The following CD109 variants were observed in gnomAD, a reference collection of about 807,000 sequenced individuals.
The protein encoded by CD109 is CD109 antigen.
Under a neutral mutation model 165.8 loss-of-function variants are expected in CD109, and 149 were observed. The ratio of observed to expected loss-of-function variants is 0.90; its 90% CI spans 0.79 to 1.03. The LOEUF is 1.03. Among genes scored for constraint, CD109 ranks in the 50% least tolerant of loss-of-function variants. CD109 has a pLI of 0.00. For synonymous variants in CD109, 585 were observed against 592.1 expected, an observed-to-expected ratio of 0.99 and a Z score of 0.18; for missense variants, 1,712 against 1,677.8, an observed-to-expected ratio of 1.02 and a Z score of -0.36.
chr6:73,696,306 GC>G lies in CD109; in HGVS notation c.74+18del. On this transcript the variant is annotated intron_variant, in intron 1 of 32. Coordinates refer to ENST00000287097, the MANE Select transcript of CD109 (RefSeq NM_133493.5). Reference sequence around the variant, plus strand: ...GGCTCCCGGGTAGGAACGTGGGCGCGCGGGGGGCGCGCGGGCGCGCGGGCCT... The same window carrying G: ...GGCTCCCGGGTAGGAACGTGGGCGCGGGGGGGCGCGCGGGCGCGCGGGCCT... 29 of 1,414,680 alleles carry G rather than the reference GC, an allele frequency of 2.0e-5. No individual in the cohort carries two copies. Among genetic ancestry groups the G allele is most frequent in the Non-Finnish European group, 2.6e-5 (28 of 1,073,256 alleles). The allele number at this position is 1,414,680 out of a possible 1,614,324, so 87.6% of individuals were successfully genotyped here.
chr6:73,737,956 C>T (rs1367070361), intron 5 of CD109, among the ~76,000 whole-genome samples: 1 of 152,218 alleles, frequency 6.6e-6, no homozygotes, highest in African/African-American at 2.4e-5. Context: ...ATCGATCCTT[C>T]TATCCACCCA....
chr6:73,792,522 C>T, intron 22 of CD109, 104 bp from the exon 23 acceptor site: 1 of 952,944 alleles, frequency 1.0e-6, no homozygotes, highest in Non-Finnish European at 1.6e-6. Flanking sequence ...AATGATATTG[C>T]TTCAATGACA....
intron 5 of CD109, among the ~76,000 whole-genome samples, chr6:73,742,945 T>C (rs1772847123): frequency 6.6e-6 from 1 of 152,232 alleles, no homozygotes; most frequent in Non-Finnish European, 1.5e-5. Context: ...GAAGTGCTCA[T>C]AAATGCCCGC....
At chr6:73,701,180 G>T (rs72953374) in intron 2 of CD109, among the ~76,000 whole-genome samples, 3,637 of 151,778 alleles carry the variant, frequency 0.024, 72 homozygotes, top group Non-Finnish European at 0.04. Context: ...AGAGTTCTGG[G>T]AAGGTGTATC....
At position 73,803,195 on chromosome 6, in the gene CD109, ACTAT is replaced by A. The variant is rs748717805; in HGVS notation, c.2879-22_2879-19del. ...CCATTGCAAGTTAATGATTACTTTG[ACTAT>A]CTGTCTATTTTTGTGTCTAGGTTAC... On this transcript the variant is annotated intron_variant, in intron 23 of 32. Coordinates refer to ENST00000287097, the MANE Select transcript of CD109 (RefSeq NM_133493.5). The A allele has an allele frequency of 1.7e-5, 26 of 1,505,914 alleles. No homozygotes were observed. In the African/African-American group the frequency reaches 2.2e-4, roughly 13 times the overall value. The allele number at this position is 1,505,914 out of a possible 1,614,324, so 93.3% of individuals were successfully genotyped here.
At chr6:73,818,854 G>A (rs1267321291) in intron 31 of CD109, among the ~76,000 whole-genome samples, 1 of 152,178 alleles carries the variant, frequency 6.6e-6, no homozygotes, top group African/African-American at 2.4e-5. Context: ...TTGAGAGCCT[G>A]TCTGCCTCAG....
Position 73,766,786 on chromosome 6 carries a change from A to G in CD109, c.1360A>G (p.Met454Val), listed in dbSNP as rs772962058. ...CTATTTCCTTGGTAGTAAAAGTAGC[A>G]TGGCAGTTCATAGTCTGTTTAAGTC... ...KAYFLGSKSS[M>V]AVHSLFKSPS... is the part of the protein sequence containing the mutation. Residue 454 changes from methionine (M) to valine (V), a missense_variant, in exon 12 of 33, where the codon ATG becomes GTG. Met to Val is a conservative substitution (Grantham distance 21). Transcript: ENST00000287097. The G allele has an allele frequency of 2.5e-6, 4 of 1,612,694 alleles. No individual in the cohort carries two copies. The highest frequency in any genetic ancestry group is 4.5e-5 in the East Asian group (2 of 44,782).
chr6:73,791,219 ATAAT>A (rs1774953232), intron 22 of CD109, among the ~76,000 whole-genome samples: 8 of 87,704 alleles, frequency 9.1e-5, no homozygotes, highest in Non-Finnish European at 1.6e-4. Flanking sequence ...ATATATATAT[ATAAT>A]TTTTTTTTGG....
intron 28 of CD109, among the ~76,000 whole-genome samples, chr6:73,811,670 A>G (rs1420195394): frequency 6.6e-6 from 1 of 152,152 alleles, no homozygotes; most frequent in Non-Finnish European, 1.5e-5. Flanking sequence ...TAGAATTCTT[A>G]CTTTAACTGG....
intron 23 of CD109, among the ~76,000 whole-genome samples, chr6:73,800,508 A>G (rs998812651): frequency 6.6e-6 from 1 of 152,210 alleles, no homozygotes; most frequent in Non-Finnish European, 1.5e-5. Context: ...ACATTCCCCT[A>G]CATGGTAGTT....
chr6:73,710,314 C>A (rs1412793378), intron 2 of CD109, among the ~76,000 whole-genome samples: 1 of 151,980 alleles, frequency 6.6e-6, no homozygotes, highest in East Asian at 1.9e-4. Flanking sequence ...AAACAGAGAG[C>A]CAAATCATGA....
chr6:73,713,180 A>G (rs1771599211), intron 2 of CD109, among the ~76,000 whole-genome samples: 1 of 152,176 alleles, frequency 6.6e-6, no homozygotes, highest in Non-Finnish European at 1.5e-5. Context: ...GGACTTCATA[A>G]GTGCCTAGGA....
chr6:73,684,373 C>T, the CD109 span, among the ~76,000 whole-genome samples: 1 of 151,738 alleles, frequency 6.6e-6, no homozygotes, highest in South Asian at 2.1e-4. Context: ...CTGAGTGCCA[C>T]CACTCCTGGC....
Position 73,811,147 on chromosome 6 carries a change from G to T in CD109, c.3702G>T (p.Glu1234Asp), listed in dbSNP as rs1486987732. The T allele has an allele frequency of 1.9e-6, 3 of 1,611,576 alleles. No homozygotes were observed. Among genetic ancestry groups the T allele is most frequent in the Non-Finnish European group, 2.5e-6 (3 of 1,178,960 alleles). ...THNRLLLQTA[E>D]LAVVQPTAVN... The stretch of plus-strand genomic sequence containing the variant: ...ACCGCTTACTCCTTCAGACAGCAGA[G>T]GTGTGGGCAAGGGGCAGTTATTTAA... Residue 1234 changes from glutamate to aspartate, a missense_variant and splice_region_variant, in exon 28 of 33, where the codon GAG becomes GAT. Glu to Asp is a conservative substitution (Grantham distance 45). Transcript: ENST00000287097.
chr6:73,728,608 A>G (rs1441796688), intron 3 of CD109, among the ~76,000 whole-genome samples: 1 of 152,170 alleles, frequency 6.6e-6, no homozygotes, highest in Non-Finnish European at 1.5e-5. Context: ...TGCAGACATC[A>G]ATACTCTTCT....
chr6:73,696,589 T>A (rs1054156205), intron 1 of CD109, among the ~76,000 whole-genome samples: 1 of 152,272 alleles, frequency 6.6e-6, no homozygotes. Context: ...TGCCTTTTGC[T>A]TCTCAACTTT....
rs780848516 is a variant in CD109 at position 73,810,986 on chromosome 6, C to T, written c.3547-6C>T. 3.7e-6 allele frequency: 6 copies of T among 1,609,626 alleles called. No homozygotes were observed. The highest frequency in any genetic ancestry group is 1.7e-5 in the Admixed American group (1 of 59,110). On this transcript the variant is annotated splice_region_variant and splice_polypyrimidine_tract_variant and intron_variant, in intron 27 of 32. Coordinates refer to ENST00000287097, the MANE Select transcript of CD109 (RefSeq NM_133493.5). ...ATATGTACAAATGTTTTTCTTCCCTCAACAGGATACCACTGTGGCTTTAAA... is the reference window on the plus strand; with the variant it reads ...ATATGTACAAATGTTTTTCTTCCCTTAACAGGATACCACTGTGGCTTTAAA...
At chr6:73,814,287 A>G (rs1775854462) in intron 29 of CD109, among the ~76,000 whole-genome samples, 1 of 152,100 alleles carries the variant, frequency 6.6e-6, no homozygotes, top group African/African-American at 2.4e-5. Context: ...GATGAGGTAA[A>G]ACATTTAAAT....
At chr6:73,758,622 G>A (rs1582111949) in intron 6 of CD109, among the ~76,000 whole-genome samples, 1 of 152,194 alleles carries the variant, frequency 6.6e-6, no homozygotes, top group East Asian at 1.9e-4. Flanking sequence ...GACCTCAGGT[G>A]ATCCACCTGC....
Sources: gnomAD v4.1 joint callset for allele counts (sites outside exome capture counted in the v4.1 genomes callset) on GRCh38, gnomAD v4.1.1 for gene constraint, MANE v1.5 for transcripts, NCBI Gene and HGNC (gene_info 2026-07-23, HGNC 2026-07-21) for gene names.